The following NDUFAF6 variants were observed in gnomAD, a reference collection of about 807,000 sequenced individuals.
NDUFAF6 encodes the protein NADH dehydrogenase (ubiquinone) complex I, assembly factor 6.
A neutral mutation model predicts 40.8 loss-of-function variants in NDUFAF6; 45 were observed. The observed-to-expected ratio is 1.10, with a 90% CI of 0.87 to 1.42. NDUFAF6 has a LOEUF of 1.42. Ranked by LOEUF, NDUFAF6 falls within the 40% of genes most tolerant of loss-of-function variation. The pLI, the probability that NDUFAF6 is intolerant of heterozygous loss-of-function variation, is 0.00. For missense variants in NDUFAF6, 435 were observed against 418.5 expected (o/e 1.04, Z -0.34); for synonymous variants, 185 against 155.9 (o/e 1.19, Z -1.39).
intron 1 of NDUFAF6, among the ~76,000 whole-genome samples, chr8:94,960,433 T>TTAGA (rs1026460069): frequency 3.7e-5 from 4 of 106,992 alleles, no homozygotes; most frequent in Admixed American, 2.1e-4. Flanking sequence ...AGCTGATGAC[T>TTAGA]TGTCTAAGTT....
At chr8:94,917,700 A>T (rs1486541333) in intron 1 of NDUFAF6, among the ~76,000 whole-genome samples, 5 of 152,256 alleles carry the variant, frequency 3.3e-5, no homozygotes, top group African/African-American at 7.2e-5. Context: ...TTAAAAAAAT[A>T]GGGCAAACAT....
At chr8:95,110,842 C>T (rs1809980455) in intron 4 of NDUFAF6, among the ~76,000 whole-genome samples, 1 of 152,228 alleles carries the variant, frequency 6.6e-6, no homozygotes, top group African/African-American at 2.4e-5. Flanking sequence ...CTGGATCCCA[C>T]AATTCAGAGT....
intron 2 of NDUFAF6, among the ~76,000 whole-genome samples, chr8:95,088,142 G>A (rs997072131): frequency 6.6e-6 from 1 of 152,196 alleles, no homozygotes; most frequent in African/African-American, 2.4e-5. Flanking sequence ...TGTGATGCTT[G>A]AGGCACTGCC....
chr8:95,079,691 G>A (rs983792902), downstream of NDUFAF6, among the ~76,000 whole-genome samples: 1 of 149,878 alleles, frequency 6.7e-6, no homozygotes, highest in African/African-American at 2.4e-5. Context: ...GAAGGAAGAA[G>A]AAATAACTTC....
Position 95,032,015 on chromosome 8 carries a change from A to G in NDUFAF6, c.218A>G (p.Tyr73Cys). The change falls in exon 2 of 9, where the codon TAT (tyrosine) becomes TGT (cysteine). Residue 73 changes from tyrosine to cysteine, a missense_variant. Physicochemically the swap from Tyr to Cys is radical, Grantham distance 194 (BLOSUM62 -2). Transcript: ENST00000396124. ...ELLRKRDYEG[Y>C]LCSLLLPAES... Reference sequence around the variant, plus strand: ...TACAGGAAACGGGATTATGAAGGTTATTTATGCTCCCTGCTGCTCCCTGCA... The same window carrying G: ...TACAGGAAACGGGATTATGAAGGTTGTTTATGCTCCCTGCTGCTCCCTGCA... 1 of 1,613,914 alleles carries G rather than the reference A, an allele frequency of 6.2e-7. No homozygotes were observed. The highest frequency in any genetic ancestry group is 8.5e-7 in the Non-Finnish European group (1 of 1,179,804).
At chr8:94,980,281 G>A (rs1338805622) in intron 1 of NDUFAF6, among the ~76,000 whole-genome samples, 2 of 150,956 alleles carry the variant, frequency 1.3e-5, no homozygotes, top group Non-Finnish European at 2.9e-5. Context: ...AACCACTCAT[G>A]TTAAATGAGT....
At chr8:94,936,670 T>C (rs998683723) in intron 1 of NDUFAF6, among the ~76,000 whole-genome samples, 3 of 152,134 alleles carry the variant, frequency 2.0e-5, no homozygotes, top group Non-Finnish European at 4.4e-5. Context: ...ATGGCTTCCA[T>C]AGGGAGCACA....
chr8:94,949,666 G>A, intron 2 of NDUFAF6, among the ~76,000 whole-genome samples: 1 of 152,184 alleles, frequency 6.6e-6, no homozygotes, highest in East Asian at 1.9e-4. Context: ...CCAGGAGCCG[G>A]CGGGAGCGGG....
chr8:95,046,325 G>A (rs558049279), intron 5 of NDUFAF6, among the ~76,000 whole-genome samples: 3 of 152,174 alleles, frequency 2.0e-5, no homozygotes, highest in South Asian at 2.1e-4. Flanking sequence ...GATTACAGGC[G>A]TGAGCCACAG....
chr8:95,058,250 G>C lies in NDUFAF6; in HGVS notation c.*313G>C. 7.6e-7 allele frequency: 1 copy of C among 1,316,780 alleles called. No individual in the cohort carries two copies. The highest frequency in any genetic ancestry group is 9.6e-7 in the Non-Finnish European group (1 of 1,038,706). 81.6% of individuals were successfully genotyped at this position (1,316,780 alleles called of 1,614,324 possible). A position where few individuals can be genotyped will look rare whatever the true frequency, so the allele number is the denominator to read the frequency against. ...TAAGCCACACTTGAGCCAGTGGGCAGGGAGAAGGAATGTCATTCTCCCTTC... is the reference window on the plus strand; with the variant it reads ...TAAGCCACACTTGAGCCAGTGGGCACGGAGAAGGAATGTCATTCTCCCTTC... On this transcript the variant is annotated 3_prime_UTR_variant, in exon 9 of 9. Coordinates refer to ENST00000396124, the MANE Select transcript of NDUFAF6 (RefSeq NM_152416.4).
intron 1 of NDUFAF6, among the ~76,000 whole-genome samples, chr8:94,898,326 C>T (rs929667294): frequency 6.6e-6 from 1 of 152,176 alleles, no homozygotes; most frequent in African/African-American, 2.4e-5. Context: ...GATGTCATGT[C>T]TTAGGTTCCT....
At chr8:95,077,059 C>T (rs1808651173), downstream of NDUFAF6, among the ~76,000 whole-genome samples, 2 of 152,084 alleles carry the variant, frequency 1.3e-5, no homozygotes, top group Admixed American at 1.3e-4. Context: ...AAGCCAGAGA[C>T]GTGCACACAT....
At chr8:95,064,442 G>A (rs1341386281) in intron 9 of NDUFAF6, among the ~76,000 whole-genome samples, 2 of 151,694 alleles carry the variant, frequency 1.3e-5, no homozygotes, top group Non-Finnish European at 2.9e-5. Flanking sequence ...AAAATCATGG[G>A]GGAAAAAATA....
At chr8:95,075,568 T>C (rs1833001350) in intron 9 of NDUFAF6, 2 of 1,249,670 alleles carry the variant, frequency 1.6e-6, no homozygotes. Flanking sequence ...TCTCGGGGCA[T>C]GGGAATGTTT....
At chr8:94,917,784 T>G (rs1309972697) in intron 1 of NDUFAF6, among the ~76,000 whole-genome samples, 1 of 152,212 alleles carries the variant, frequency 6.6e-6, no homozygotes, top group East Asian at 1.9e-4. Flanking sequence ...AATACATGCA[T>G]TAGTGTTTTT....
upstream of NDUFAF6, among the ~76,000 whole-genome samples, chr8:95,024,442 T>C (rs934403079): frequency 1.3e-5 from 2 of 152,202 alleles, no homozygotes; most frequent in African/African-American, 2.4e-5. Flanking sequence ...GAGAGATGTG[T>C]GTGCTTTTCT....
chr8:94,931,784 C>T (rs943059033), intron 1 of NDUFAF6, among the ~76,000 whole-genome samples: 7 of 152,002 alleles, frequency 4.6e-5, no homozygotes, highest in Admixed American at 2.0e-4. Context: ...CCAGCCTGGC[C>T]AACATGGTGA....
intron 8 of NDUFAF6, among the ~76,000 whole-genome samples, chr8:95,054,762 A>G (rs373172932): frequency 6.6e-6 from 1 of 152,138 alleles, no homozygotes; most frequent in African/African-American, 2.4e-5. Context: ...TCCTGTGCCA[A>G]GAGAGACTAG....
intron 2 of NDUFAF6, 127 bp from the exon 3 acceptor site, chr8:95,035,324 TGTA>T (rs1484013927): frequency 1.2e-6 from 1 of 854,706 alleles, no homozygotes; most frequent in African/African-American, 1.7e-5. Context: ...TTCCAAAAAA[TGTA>T]GTCATGTATT....
Sources: allele counts gnomAD v4.1 joint callset (sites outside exome capture counted in the v4.1 genomes callset), GRCh38; gene constraint gnomAD v4.1.1; transcripts MANE v1.5; gene names NCBI Gene and HGNC (gene_info 2026-07-23, HGNC 2026-07-21).